Variants in SPON1 observed in about 807,000 individuals in gnomAD.
SPON1 encodes the protein spondin 1.
A neutral mutation model predicts 111.7 loss-of-function variants in SPON1; 52 were observed. The ratio of observed to expected loss-of-function variants is 0.47; its 90% CI spans 0.37 to 0.59. The LOEUF is 0.59. SPON1 is among the 20% of genes least tolerant of loss of function. The pLI is 0.00. For synonymous variants in SPON1, 410 were observed against 395.8 expected, an observed-to-expected ratio of 1.04 and a Z score of -0.43; for missense variants, 957 against 1,068.5, an observed-to-expected ratio of 0.90 and a Z score of 1.46.
intron 1 of SPON1, among the ~76,000 whole-genome samples, chr11:13,965,532 C>G (rs374717040): frequency 6.6e-6 from 1 of 152,188 alleles, no homozygotes; most frequent in Non-Finnish European, 1.5e-5. Context: ...TAGGGAGTGT[C>G]CTGGACTTTC....
chr11:14,204,022 C>T (rs895924854), intron 6 of SPON1, among the ~76,000 whole-genome samples: 1 of 152,170 alleles, frequency 6.6e-6, no homozygotes, highest in Non-Finnish European at 1.5e-5. Context: ...GCTATTACTA[C>T]CAAGGGCCTA....
intron 6 of SPON1, among the ~76,000 whole-genome samples, chr11:14,239,701 G>C (rs1256241623): frequency 1.3e-5 from 2 of 152,140 alleles, no homozygotes; most frequent in African/African-American, 4.8e-5. Flanking sequence ...CTACAACCTG[G>C]GTGACAAAGT....
At chr11:14,184,832 A>G (rs1848269540) in intron 6 of SPON1, among the ~76,000 whole-genome samples, 2 of 152,160 alleles carry the variant, frequency 1.3e-5, no homozygotes, top group South Asian at 4.1e-4. Context: ...AGCCTTTGGG[A>G]TCCCTGAAAG....
At chr11:14,203,529 A>C (rs1339922296) in intron 6 of SPON1, among the ~76,000 whole-genome samples, 2 of 152,238 alleles carry the variant, frequency 1.3e-5, no homozygotes, top group African/African-American at 2.4e-5. Flanking sequence ...TCCAAAAGGC[A>C]TTGTACCAGA....
At chr11:14,095,851 A>G (rs1366972116) in intron 5 of SPON1, among the ~76,000 whole-genome samples, 1 of 152,254 alleles carries the variant, frequency 6.6e-6, no homozygotes, top group Non-Finnish European at 1.5e-5. Flanking sequence ...CTGACACATA[A>G]AATGAACCAT....
chr11:14,113,693 C>G (rs1288411974), intron 5 of SPON1, among the ~76,000 whole-genome samples: 5 of 147,852 alleles, frequency 3.4e-5, no homozygotes, highest in African/African-American at 5.0e-5. Context: ...AGCTCCGCCT[C>G]CCGGGTTCAC....
chr11:14,139,944 A>G (rs10766143), intron 6 of SPON1, among the ~76,000 whole-genome samples: 57,058 of 152,042 alleles, frequency 0.38, 11,179 homozygotes, highest in East Asian at 0.55. Context: ...TTAGAACTAA[A>G]AAAAGACTAG....
At chr11:14,073,105 T>A (rs1554921095) in intron 3 of SPON1, among the ~76,000 whole-genome samples, 1 of 152,174 alleles carries the variant, frequency 6.6e-6, no homozygotes, top group Non-Finnish European at 1.5e-5. Context: ...GTTTCAAACA[T>A]ATACATGAAT....
intron 2 of SPON1, among the ~76,000 whole-genome samples, chr11:14,000,410 T>C (rs1294908754): frequency 1.3e-5 from 2 of 152,238 alleles, no homozygotes; most frequent in East Asian, 1.9e-4. Flanking sequence ...ACATGTTATA[T>C]GCTTGATTGC....
chr11:14,087,942 T>C (rs1849019269), intron 5 of SPON1, among the ~76,000 whole-genome samples: 1 of 152,176 alleles, frequency 6.6e-6, no homozygotes, highest in Admixed American at 6.5e-5. Context: ...GTCTGTTTTA[T>C]CAGAGACTAG....
chr11:14,066,711 C>T (rs1389593788), intron 3 of SPON1, among the ~76,000 whole-genome samples: 1 of 152,184 alleles, frequency 6.6e-6, no homozygotes, highest in Non-Finnish European at 1.5e-5. Context: ...CCCACCCCAC[C>T]TTTCCTTTAC....
Position 14,031,393 on chromosome 11 carries a change from G to A in SPON1, c.346-10128G>A, listed in dbSNP as rs143114884. 2.2e-3 allele frequency among the ~76,000 whole-genome samples: 332 copies of A among 152,250 alleles called. 2 individuals are homozygous for A. The highest frequency in any genetic ancestry group is 7.6e-3 in the African/African-American group (316 of 41,544). ...AGATGGGGGTATTTGTAGGGAAAAG[G>A]GACAGGATTTAAGCCTAAATCTTTA... is the stretch of plus-strand genomic sequence containing the variant. On this transcript the variant is annotated intron_variant, in intron 2 of 15. Transcript: ENST00000576479.
At chr11:13,988,161 GA>G (rs1848200121) in intron 2 of SPON1, among the ~76,000 whole-genome samples, 1 of 152,088 alleles carries the variant, frequency 6.6e-6, no homozygotes. Context: ...CCATTTTCAT[GA>G]TATTGATTCT....
chr11:14,217,034 G>C (rs1349494137), intron 6 of SPON1, among the ~76,000 whole-genome samples: 2 of 152,190 alleles, frequency 1.3e-5, no homozygotes, highest in African/African-American at 4.8e-5. Context: ...TAGGATACTG[G>C]TGAAGCCATT....
At chr11:14,251,862 A>G (rs1346047137) in intron 7 of SPON1, among the ~76,000 whole-genome samples, 1 of 152,232 alleles carries the variant, frequency 6.6e-6, no homozygotes, top group Non-Finnish European at 1.5e-5. Context: ...AGCTGCTAAA[A>G]TCACTGACCT....
intron 6 of SPON1, among the ~76,000 whole-genome samples, chr11:14,145,602 C>CATCTGG (rs1554929242): frequency 3.3e-5 from 5 of 152,108 alleles, no homozygotes; most frequent in African/African-American, 4.8e-5. Context: ...TTTAAGTGCA[C>CATCTGG]AGTTCAGGAG....
intron 3 of SPON1, among the ~76,000 whole-genome samples, chr11:14,073,571 G>A (rs1591368177): frequency 6.6e-6 from 1 of 152,126 alleles, no homozygotes; most frequent in South Asian, 2.1e-4. Flanking sequence ...TTAGCTCCTA[G>A]TTTGCTCTTT....
intron 6 of SPON1, among the ~76,000 whole-genome samples, chr11:14,176,306 C>G (rs1554933073): frequency 6.6e-6 from 1 of 152,176 alleles, no homozygotes; most frequent in Non-Finnish European, 1.5e-5. Flanking sequence ...AAGAATATCC[C>G]TTATTCCAAA....
chr11:14,038,000 T>A (rs61176187), intron 2 of SPON1, among the ~76,000 whole-genome samples: 2,786 of 151,184 alleles, frequency 0.018, 77 homozygotes, highest in African/African-American at 0.064. Flanking sequence ...ACCCTGTCTC[T>A]ACTAAAAATA....
Sources: gnomAD v4.1 joint callset for allele counts (sites outside exome capture counted in the v4.1 genomes callset) on GRCh38, gnomAD v4.1.1 for gene constraint, MANE v1.5 for transcripts, NCBI Gene and HGNC (gene_info 2026-07-23, HGNC 2026-07-21) for gene names.